Variants in TENM4 observed in about 807,000 individuals in gnomAD.
TENM4 encodes teneurin-4.
Under a neutral mutation model 243.3 loss-of-function variants are expected in TENM4, and 82 were observed. That is an observed-to-expected ratio of 0.34 (90% CI 0.28 to 0.40). The LOEUF is 0.40. Ranked by LOEUF, TENM4 falls within the 10% of genes least tolerant of loss-of-function variation. TENM4 has a pLI of 1.00. For synonymous variants in TENM4, 1,412 were observed against 1,456.3 expected (o/e 0.97, Z 0.69); for missense variants, 3,138 against 3,673.3 (o/e 0.85, Z 3.77).
intron 6 of TENM4, among the ~76,000 whole-genome samples, chr11:79,016,994 T>C (rs917291658): frequency 6.6e-6 from 1 of 152,354 alleles, no homozygotes; most frequent in Middle Eastern, 3.4e-3. Flanking sequence ...CTCCCAGAGT[T>C]GTCATGAGGC....
intron 4 of TENM4, among the ~76,000 whole-genome samples, chr11:79,127,942 C>T (rs985619227): frequency 8.5e-5 from 13 of 152,158 alleles, no homozygotes; most frequent in African/African-American, 3.1e-4. Flanking sequence ...GCCTAGTGGG[C>T]CTATTTGGAT....
intron 2 of TENM4, among the ~76,000 whole-genome samples, chr11:79,219,536 T>C (rs961926313): frequency 9.9e-5 from 15 of 152,204 alleles, no homozygotes; most frequent in Non-Finnish European, 1.0e-4. Flanking sequence ...TCTAAATAAC[T>C]GCAGGAGGCA....
intron 10 of TENM4, among the ~76,000 whole-genome samples, chr11:78,859,927 C>G (rs1858775127): frequency 6.6e-6 from 1 of 152,166 alleles, no homozygotes; most frequent in South Asian, 2.1e-4. Context: ...ATGTGTAACA[C>G]AAGTTCTTGT....
At chr11:79,321,353 G>C (rs535717191) in intron 1 of TENM4, among the ~76,000 whole-genome samples, 6 of 152,084 alleles carry the variant, frequency 3.9e-5, no homozygotes, top group African/African-American at 7.2e-5. Flanking sequence ...AGCCTCAAAC[G>C]CTTCCCAAAT....
intron 6 of TENM4, among the ~76,000 whole-genome samples, chr11:79,035,026 C>T (rs1859341536): frequency 6.6e-6 from 1 of 152,216 alleles, no homozygotes; most frequent in Non-Finnish European, 1.5e-5. Flanking sequence ...TGAAAAAGTA[C>T]TGCTCTAGAA....
intron 6 of TENM4, among the ~76,000 whole-genome samples, chr11:79,032,708 T>C (rs1859278597): frequency 2.0e-5 from 3 of 152,194 alleles, no homozygotes; most frequent in Non-Finnish European, 4.4e-5. Context: ...GATACTGTAT[T>C]TAAGCATTCA....
At chr11:79,431,576 G>A (rs1307627965) in intron 1 of TENM4, among the ~76,000 whole-genome samples, 2 of 152,196 alleles carry the variant, frequency 1.3e-5, no homozygotes, top group African/African-American at 2.4e-5. Flanking sequence ...CAGCAGCAAA[G>A]GAGAGTACCT....
At chr11:79,054,546 T>C (rs1207356860) in intron 6 of TENM4, among the ~76,000 whole-genome samples, 1 of 151,806 alleles carries the variant, frequency 6.6e-6, no homozygotes, top group Non-Finnish European at 1.5e-5. Flanking sequence ...CTGCCCAGGC[T>C]AGAGTTCAGT....
intron 6 of TENM4, among the ~76,000 whole-genome samples, chr11:78,954,064 G>A (rs1565141889): frequency 6.6e-6 from 1 of 152,266 alleles, no homozygotes; most frequent in Non-Finnish European, 1.5e-5. Context: ...TATAAATAAT[G>A]GCAGTTCAGA....
chr11:78,743,214 C>T (rs572568265), intron 19 of TENM4, among the ~76,000 whole-genome samples: 52 of 152,290 alleles, frequency 3.4e-4, no homozygotes, highest in African/African-American at 9.4e-4. Flanking sequence ...AAGCAGTATA[C>T]ACCACTCCTG....
intron 1 of TENM4, among the ~76,000 whole-genome samples, chr11:79,376,845 T>TCCACATG (rs1857902175): frequency 6.6e-6 from 1 of 152,216 alleles, no homozygotes; most frequent in South Asian, 2.1e-4. Context: ...GGATCTGTGC[T>TCCACATG]TATTCTCTAT....
At chr11:78,982,496 C>A (rs1419677985) in intron 6 of TENM4, among the ~76,000 whole-genome samples, 7 of 152,092 alleles carry the variant, frequency 4.6e-5, no homozygotes, top group Non-Finnish European at 8.8e-5. Flanking sequence ...CTCAGAGGGT[C>A]CCCTGCAGTG....
At position 79,113,444 on chromosome 11, in the gene TENM4, AAG is replaced by A. The variant is rs1423664687; in HGVS notation, c.-66+35264_-66+35265del. 4.3e-5 allele frequency among the ~76,000 whole-genome samples: 6 copies of A among 141,042 alleles called. No individual in the cohort carries two copies. In the South Asian group the frequency reaches 1.3e-3, roughly 32 times the overall value. 92.5% of individuals were successfully genotyped at this position (141,042 alleles called of 152,430 possible). ...GTTGTGTGTGTGACAGAGAGAGAGA[AAG>A]AGAGGGGGTGCTTCAGATTTCACAA... On this transcript the variant is annotated intron_variant, in intron 4 of 33. Transcript: ENST00000278550.
At chr11:79,183,978 T>G (rs1863336716) in intron 3 of TENM4, among the ~76,000 whole-genome samples, 1 of 152,208 alleles carries the variant, frequency 6.6e-6, no homozygotes, top group African/African-American at 2.4e-5. Context: ...AAGAATGATC[T>G]TATGATCCAA....
chr11:78,721,646 C>T (rs901680068), intron 24 of TENM4, among the ~76,000 whole-genome samples: 11 of 152,288 alleles, frequency 7.2e-5, no homozygotes, highest in East Asian at 3.9e-4. Flanking sequence ...AAACACCTTA[C>T]GGAATTGTTA....
rs540568411 is a variant in TENM4 at position 79,124,449 on chromosome 11, G to A, written c.-66+24261C>T. Among the ~76,000 whole-genome samples the A allele has an allele frequency of 7.2e-5, 11 of 152,168 alleles. No homozygotes were observed. The South Asian group carries it at 2.3e-3, about 32-fold the overall frequency. On this transcript the variant is annotated intron_variant, in intron 4 of 33. Coordinates refer to ENST00000278550, the MANE Select transcript of TENM4 (RefSeq NM_001098816.3). ...CAGCCTACATCTTTCTCCTGTGCTGGATGCTTCCTGGCCTCAAAAATCGGA... is the reference window on the plus strand; with the variant it reads ...CAGCCTACATCTTTCTCCTGTGCTGAATGCTTCCTGGCCTCAAAAATCGGA...
At position 79,008,768 on chromosome 11, in the gene TENM4, A is replaced by G. The variant is rs74829133; in HGVS notation, c.493+55970T>C. ...ATTTCGAATGAGATCCTTGGAATAG[A>G]TTTCTAGAAACACAATAATGGGGCC... On this transcript the variant is annotated intron_variant, in intron 6 of 33. Coordinates refer to ENST00000278550, the MANE Select transcript of TENM4 (RefSeq NM_001098816.3). Among the ~76,000 whole-genome samples the G allele has an allele frequency of 7.4e-3, 1,132 of 152,234 alleles. 21 individuals carry two copies. The highest frequency in any genetic ancestry group is 0.026 in the African/African-American group (1,060 of 41,524).
chr11:79,163,993 ATATAGTATAG>A (rs1862827773), intron 3 of TENM4, among the ~76,000 whole-genome samples: 1 of 106,194 alleles, frequency 9.4e-6, no homozygotes. Flanking sequence ...TATAGTGTAT[ATATAGTATAG>A]TATATAGTAT....
chr11:78,767,213 C>T (rs566575198), intron 18 of TENM4, among the ~76,000 whole-genome samples: 14 of 152,308 alleles, frequency 9.2e-5, no homozygotes, highest in African/African-American at 2.6e-4. Context: ...GCAGTTTCTG[C>T]GACCGGCCAG....
Sources: gnomAD v4.1 joint callset for allele counts (sites outside exome capture counted in the v4.1 genomes callset) on GRCh38, gnomAD v4.1.1 for gene constraint, MANE v1.5 for transcripts, NCBI Gene and HGNC (gene_info 2026-07-23, HGNC 2026-07-21) for gene names.